EPHA6: variants seen among roughly 807,000 people sequenced by gnomAD.
The protein encoded by EPHA6 is ephrin type-A receptor 6.
A neutral mutation model predicts 112.0 loss-of-function variants in EPHA6; 50 were observed. The observed-to-expected ratio is 0.45, with a 90% CI of 0.36 to 0.56. The LOEUF is 0.56. Ranked by LOEUF, EPHA6 falls within the 20% of genes least tolerant of loss-of-function variation. The pLI, the probability that EPHA6 is intolerant of heterozygous loss-of-function variation, is 0.00. For missense variants in EPHA6, 1,280 were observed against 1,417.4 expected (o/e 0.90, Z 1.56); for synonymous variants, 529 against 490.7 (o/e 1.08, Z -1.03).
chr3:97,324,321 A>T (rs960403413), intron 5 of EPHA6, among the ~76,000 whole-genome samples: 2 of 151,764 alleles, frequency 1.3e-5, no homozygotes, highest in African/African-American at 4.9e-5. Flanking sequence ...GTCTTTGGGG[A>T]CATATTTCTT....
At chr3:97,382,325 T>C (rs1191827873) in intron 5 of EPHA6, among the ~76,000 whole-genome samples, 1 of 152,088 alleles carries the variant, frequency 6.6e-6, no homozygotes, top group African/African-American at 2.4e-5. Flanking sequence ...TTTTCTTCAA[T>C]AAGTTCCCAT....
intron 14 of EPHA6, chr3:97,646,142 G>A (rs1248526947): frequency 6.5e-6 from 10 of 1,529,596 alleles, no homozygotes; most frequent in Non-Finnish European, 7.9e-6. Flanking sequence ...ACAACAAAGA[G>A]CAATCAGAAC....
chr3:97,759,508 G>C lies in EPHA6; in HGVS notation c.*10807G>C, dbSNP rs895960994. The C allele has an allele frequency of 2.2e-5, 5 of 230,492 alleles. No homozygotes were observed. The highest frequency in any genetic ancestry group is 4.3e-5 in the Non-Finnish European group (5 of 116,350). 14.3% of individuals were successfully genotyped at this position (230,492 alleles called of 1,614,324 possible). A position where few individuals can be genotyped will look rare whatever the true frequency, so the allele number is the denominator to read the frequency against. ...AATGAAAATGACTTGGCAGACAGGG[G>C]AAAACTGATTATGCAAGAGAGATGA... is the stretch of plus-strand genomic sequence containing the variant. On this transcript the variant is annotated 3_prime_UTR_variant, in exon 18 of 18. Coordinates refer to ENST00000389672, the MANE Select transcript of EPHA6 (RefSeq NM_001080448.3).
chr3:96,827,780 T>C (rs544091200), intron 1 of EPHA6, among the ~76,000 whole-genome samples: 2 of 152,110 alleles, frequency 1.3e-5, no homozygotes, highest in African/African-American at 4.8e-5. Context: ...GAAAAAAAGA[T>C]TCTTCAACAA....
At chr3:97,631,894 G>T (rs1235128013) in intron 13 of EPHA6, among the ~76,000 whole-genome samples, 3 of 151,972 alleles carry the variant, frequency 2.0e-5, no homozygotes, top group African/African-American at 7.2e-5. Context: ...TTTATATTAT[G>T]GTCCATAGAT....
intron 12 of EPHA6, among the ~76,000 whole-genome samples, chr3:97,603,620 A>T (rs898514240): frequency 1.1e-4 from 17 of 151,946 alleles, no homozygotes; most frequent in African/African-American, 4.1e-4. Flanking sequence ...TTAACCATAA[A>T]ACATGTTACA....
At chr3:97,511,444 G>A (rs1480407543) in intron 10 of EPHA6, among the ~76,000 whole-genome samples, 4 of 152,146 alleles carry the variant, frequency 2.6e-5, no homozygotes, top group African/African-American at 4.8e-5. Flanking sequence ...GGGGTTCCTC[G>A]ACCCCTTGCA....
At chr3:96,864,529 C>T (rs1285939780) in intron 1 of EPHA6, among the ~76,000 whole-genome samples, 1 of 151,890 alleles carries the variant, frequency 6.6e-6, no homozygotes, top group Non-Finnish European at 1.5e-5. Context: ...TAGTGGTTAC[C>T]AGAGGATGGG....
intron 3 of EPHA6, among the ~76,000 whole-genome samples, chr3:97,048,433 T>C (rs532162324): frequency 6.6e-6 from 1 of 152,302 alleles, no homozygotes; most frequent in East Asian, 1.9e-4. Flanking sequence ...ATTAAAATTA[T>C]CTTGAATGCC....
intron 1 of EPHA6, among the ~76,000 whole-genome samples, chr3:96,850,824 A>G (rs914269845): frequency 2.0e-5 from 3 of 152,160 alleles, no homozygotes; most frequent in African/African-American, 4.8e-5. Flanking sequence ...ATCAGATTTC[A>G]TTGGAAGATG....
intron 14 of EPHA6, among the ~76,000 whole-genome samples, chr3:97,716,361 G>T (rs540582284): frequency 8.0e-6 from 1 of 125,214 alleles, no homozygotes; most frequent in Non-Finnish European, 1.5e-5. Context: ...GAGGTCAGGA[G>T]ATCGAGACCA....
chr3:97,469,687 T>A (rs1440230042), intron 7 of EPHA6, among the ~76,000 whole-genome samples: 1 of 151,638 alleles, frequency 6.6e-6, no homozygotes, highest in Non-Finnish European at 1.5e-5. Context: ...GAGTCCAAGG[T>A]TTCTTGCCTG....
intron 1 of EPHA6, among the ~76,000 whole-genome samples, chr3:96,830,232 A>G (rs945708031): frequency 3.3e-5 from 5 of 152,116 alleles, no homozygotes; most frequent in Admixed American, 3.3e-4. Context: ...AAACAAATGG[A>G]TAACATCAGG....
chr3:97,728,654 G>C (rs543542237), intron 15 of EPHA6, among the ~76,000 whole-genome samples: 1 of 152,054 alleles, frequency 6.6e-6, no homozygotes, highest in African/African-American at 2.4e-5. Flanking sequence ...TAGATTTTTT[G>C]AGGTGAAAGG....
intron 10 of EPHA6, among the ~76,000 whole-genome samples, chr3:97,519,782 T>G (rs375901036): frequency 6.6e-6 from 1 of 152,006 alleles, no homozygotes; most frequent in Non-Finnish European, 1.5e-5. Context: ...TTTCAGGTAG[T>G]TTATTATTGG....
At chr3:96,969,289 A>G (rs1305214815) in intron 2 of EPHA6, among the ~76,000 whole-genome samples, 1 of 151,904 alleles carries the variant, frequency 6.6e-6, no homozygotes, top group Admixed American at 6.6e-5. Flanking sequence ...ATTTTATTCA[A>G]GTCAGATTTT....
At chr3:97,607,612 C>T (rs1011513897) in intron 12 of EPHA6, among the ~76,000 whole-genome samples, 3 of 151,030 alleles carry the variant, frequency 2.0e-5, no homozygotes, top group Non-Finnish European at 3.0e-5. Context: ...CTTTGAAAGT[C>T]TCTTAAATCA....
chr3:97,650,390 A>G (rs555623941), intron 14 of EPHA6, among the ~76,000 whole-genome samples: 18 of 152,292 alleles, frequency 1.2e-4, no homozygotes, highest in African/African-American at 3.4e-4. Flanking sequence ...AAATTACTGC[A>G]TAAAGAATTA....
chr3:97,417,592 AAGGACTTGCCT>A (rs2088233859), intron 6 of EPHA6, among the ~76,000 whole-genome samples: 1 of 152,072 alleles, frequency 6.6e-6, no homozygotes, highest in East Asian at 1.9e-4. Context: ...GGAGAATTTC[AAGGACTTGCCT>A]TCTCTTGTCC....
Sources: allele counts gnomAD v4.1 joint callset (sites outside exome capture counted in the v4.1 genomes callset), GRCh38; gene constraint gnomAD v4.1.1; transcripts MANE v1.5; gene names NCBI Gene and HGNC (gene_info 2026-07-23, HGNC 2026-07-21).